SIM1: variants seen among roughly 807,000 people sequenced by gnomAD.
The protein encoded by SIM1 is SIM bHLH transcription factor 1.
A neutral mutation model predicts 78.2 loss-of-function variants in SIM1; 18 were observed. The observed-to-expected ratio is 0.23, with a 90% CI of 0.16 to 0.34. The LOEUF is 0.34. SIM1 is among the 10% of genes least tolerant of loss of function. SIM1 has a pLI of 1.00. For synonymous variants in SIM1, 417 were observed against 385.2 expected, an observed-to-expected ratio of 1.08 and a Z score of -0.97; for missense variants, 939 against 975.1, an observed-to-expected ratio of 0.96 and a Z score of 0.49.
chr6:100,400,608 G>A (rs1392068646), intron 10 of SIM1, among the ~76,000 whole-genome samples: 2 of 152,072 alleles, frequency 1.3e-5, no homozygotes, highest in African/African-American at 4.8e-5. Flanking sequence ...AGGAATGATA[G>A]GGACATGTCA....
chr6:100,448,989 C>A (rs1232615180), intron 6 of SIM1, among the ~76,000 whole-genome samples: 1 of 152,170 alleles, frequency 6.6e-6, no homozygotes, highest in Non-Finnish European at 1.5e-5. Flanking sequence ...ACGTGAGACC[C>A]ATAGCTTCGA....
Position 100,430,958 on chromosome 6 carries a change from A to G in SIM1, c.999-10000T>C, listed in dbSNP as rs144541474. 3.9e-4 allele frequency among the ~76,000 whole-genome samples: 60 copies of G among 152,306 alleles called. 2 individuals carry two copies. The South Asian group carries it at 0.011, about 27-fold the overall frequency. ...CACAACACTGGGAAATTTAGACCCC[A>G]TACCCAAGGCCACAGAGTCCCCAAA... On this transcript the variant is annotated intron_variant, in intron 9 of 11. Coordinates refer to ENST00000369208, the MANE Select transcript of SIM1 (RefSeq NM_005068.3).
intron 2 of SIM1, among the ~76,000 whole-genome samples, chr6:100,458,007 T>TCTCTCTCTCC (rs1491391151): frequency 0.045 from 119 of 2,646 alleles, 11 homozygotes; most frequent in East Asian, 0.08. Flanking sequence ...TCTCTCTCTT[T>TCTCTCTCTCC]CTCTCTCTCT....
rs1031458432 is a variant in SIM1, at chr6:100,391,164, A to G, written c.1571-73T>C. ...CAAAATAAGTATATTTCCTTTACCT[A>G]TTAAAATAAACTTTATATCTTTCAT... On this transcript the variant is annotated intron_variant, in intron 11 of 11. Coordinates refer to ENST00000369208, the MANE Select transcript of SIM1 (RefSeq NM_005068.3). 134 of 1,444,980 alleles carry G rather than the reference A, an allele frequency of 9.3e-5. 1 individual carries two copies. Among genetic ancestry groups the G allele is most frequent in the Non-Finnish European group, 1.1e-4 (125 of 1,091,982 alleles). The allele number at this position is 1,444,980 out of a possible 1,614,324, so 89.5% of individuals were successfully genotyped here.
chr6:100,454,182 G>C (rs958428224), intron 2 of SIM1, among the ~76,000 whole-genome samples: 7 of 152,176 alleles, frequency 4.6e-5, no homozygotes, highest in African/African-American at 1.4e-4. Context: ...TTTACGGGGC[G>C]TAAGGGCACT....
rs1489788413 is a variant in SIM1 at position 100,393,629 on chromosome 6, C to A, written c.1428G>T (p.Arg476Ser). The A allele has an allele frequency of 1.9e-6, 3 of 1,614,052 alleles. No individual in the cohort carries two copies. The highest frequency in any genetic ancestry group is 4.5e-5 in the East Asian group (2 of 44,898). Residue 476 changes from arginine to serine, a missense_variant, in exon 11 of 12, where the codon AGG (arginine) becomes AGT (serine). This residue lies in a region of SIM1 where 556 missense variants were observed against 521.9 expected (regional missense o/e 1.07). Coordinates refer to ENST00000369208, the MANE Select transcript of SIM1 (RefSeq NM_005068.3). ...ACEGGRCEAG[R>S]YFLGTPQAGR... Reference sequence around the variant, plus strand: ...CGGCCTGCGGCGTTCCCAGGAAGTACCTGCCTGCCTCACATCGGCCTCCTT... The same window carrying A: ...CGGCCTGCGGCGTTCCCAGGAAGTAACTGCCTGCCTCACATCGGCCTCCTT...
At chr6:100,446,313 T>C (rs1344449722) in intron 9 of SIM1, among the ~76,000 whole-genome samples, 1 of 152,186 alleles carries the variant, frequency 6.6e-6, no homozygotes, top group South Asian at 2.1e-4. Context: ...AATGTCTAAA[T>C]AGCATTCTAC....
chr6:100,412,628 GAAA>G (rs1771245948), intron 10 of SIM1, among the ~76,000 whole-genome samples: 1 of 90,134 alleles, frequency 1.1e-5, no homozygotes, highest in African/African-American at 3.9e-5. Flanking sequence ...AAGAAGGAAA[GAAA>G]GAAAGAAAAG....
intron 3 of SIM1, among the ~76,000 whole-genome samples, chr6:100,451,615 A>T (rs1772514535): frequency 6.6e-6 from 1 of 152,224 alleles, no homozygotes; most frequent in Non-Finnish European, 1.5e-5. Flanking sequence ...AGGCAGCTGC[A>T]GCAGAGATGG....
At chr6:100,425,067 G>T (rs1435431461) in intron 9 of SIM1, among the ~76,000 whole-genome samples, 3 of 152,110 alleles carry the variant, frequency 2.0e-5, no homozygotes, top group Admixed American at 1.3e-4. Flanking sequence ...AATCATGGGG[G>T]CCAGTCTTTC....
chr6:100,454,954 C>T (rs1329807756), intron 2 of SIM1, among the ~76,000 whole-genome samples: 4 of 152,088 alleles, frequency 2.6e-5, no homozygotes, highest in Non-Finnish European at 4.4e-5. Context: ...CACCATTAAA[C>T]AAAGTTTAAC....
Position 100,463,768 on chromosome 6 carries a change from G to T in SIM1, c.-300C>A. 2 of 259,426 alleles carry T rather than the reference G, an allele frequency of 7.7e-6. No individual in the cohort carries two copies. The highest frequency in any genetic ancestry group is 7.3e-6 in the Non-Finnish European group (1 of 137,142). The allele number at this position is 259,426 out of a possible 1,614,324, so 16.1% of individuals were successfully genotyped here. ...GGGTCGTTCAGGGTATCAAATGCCA[G>T]TGGGACCCCTGAGGAGCCAGCCTTT... On this transcript the variant is annotated 5_prime_UTR_variant, in exon 2 of 12. It adds an upstream start codon to the 5' untranslated region. Transcript: ENST00000369208.
chr6:100,443,174 C>T (rs1386561700), intron 9 of SIM1, among the ~76,000 whole-genome samples: 1 of 151,922 alleles, frequency 6.6e-6, no homozygotes, highest in Non-Finnish European at 1.5e-5. Flanking sequence ...GTTACATACA[C>T]TACCAATATA....
At chr6:100,416,783 C>A (rs1771412148) in intron 10 of SIM1, among the ~76,000 whole-genome samples, 1 of 152,030 alleles carries the variant, frequency 6.6e-6, no homozygotes, top group Non-Finnish European at 1.5e-5. Context: ...ATATTTATGA[C>A]AAGAAAAGAT....
In SIM1 at chr6:100,454,595, G is replaced by T. The variant is rs147892388; in HGVS notation, c.176-751C>A. Among the ~76,000 whole-genome samples the T allele has an allele frequency of 3.0e-3, 450 of 151,438 alleles. 1 individual carries two copies. The highest frequency in any genetic ancestry group is 0.01 in the African/African-American group (418 of 41,246). On this transcript the variant is annotated intron_variant, in intron 2 of 11. Transcript: ENST00000369208. ...CTAACAATCTTTTTGTAATATTTTC[G>T]TTCTCATCTCTAATTGAGACTCATT... is the stretch of plus-strand genomic sequence containing the variant.
chr6:100,408,763 C>T (rs1771116466), intron 10 of SIM1, among the ~76,000 whole-genome samples: 1 of 152,076 alleles, frequency 6.6e-6, no homozygotes, highest in Non-Finnish European at 1.5e-5. Context: ...ATAAATCCCA[C>T]TTGATCATGG....
chr6:100,437,608 G>T (rs1316279020), intron 9 of SIM1: 1 of 152,110 alleles, frequency 6.6e-6, no homozygotes, highest in African/African-American at 2.4e-5. Context: ...TACTAAAGCT[G>T]GGTGAACTTG....
At chr6:100,449,819 C>A in intron 4 of SIM1, 120 bp from the exon 5 acceptor site, 4 of 768,868 alleles carry the variant, frequency 5.2e-6, no homozygotes, top group Non-Finnish European at 8.8e-6. Context: ...TGGAATTGGC[C>A]CTGAGTTCCA....
At chr6:100,447,469 C>T (rs1180327597) in intron 8 of SIM1, 54 bp from the exon 9 acceptor site, 1 of 1,603,442 alleles carries the variant, frequency 6.2e-7, no homozygotes, top group African/African-American at 1.3e-5. Flanking sequence ...TGGGACTGGC[C>T]CCAAATGCAA....
Sources: allele counts gnomAD v4.1 joint callset (sites outside exome capture counted in the v4.1 genomes callset), GRCh38; gene constraint gnomAD v4.1.1; regional missense constraint gnomAD v4.1.1; transcripts MANE v1.5; gene names NCBI Gene and HGNC (gene_info 2026-07-23, HGNC 2026-07-21).